The following INA variants were observed in gnomAD, a reference collection of about 807,000 sequenced individuals.
INA encodes the protein internexin neuronal intermediate filament protein alpha.
INA carries 35 observed loss-of-function variants against 40.1 expected under a neutral mutation model. The observed-to-expected ratio is 0.87, with a 90% confidence interval of 0.67 to 1.16. The LOEUF (loss-of-function observed/expected upper bound fraction) is 1.16. INA is among the 50% of genes most tolerant of loss of function. The probability of loss-of-function intolerance (pLI) is 0.00; values close to 1 mark genes in which losing one functional copy is unlikely to be tolerated. For missense variants in INA, 594 were observed against 686.7 expected (o/e 0.87, Z 1.51); for synonymous variants, 290 against 316.9 (o/e 0.92, Z 0.90).
intron 1 of INA, among the ~76,000 whole-genome samples, chr10:103,284,357 C>T (rs2133536002): frequency 6.6e-6 from 1 of 152,330 alleles, no homozygotes; most frequent in African/African-American, 2.4e-5. Context: ...AAATATCCCG[C>T]ATTTCACAAT....
chr10:103,283,163 A>G (rs1592043475), intron 1 of INA, among the ~76,000 whole-genome samples: 1 of 152,232 alleles, frequency 6.6e-6, no homozygotes, highest in Non-Finnish European at 1.5e-5. Context: ...TTAGTGGCAG[A>G]GCAAAAACTG....
At chr10:103,281,812 C>T (rs778949161) in intron 1 of INA, among the ~76,000 whole-genome samples, 1 of 152,222 alleles carries the variant, frequency 6.6e-6, no homozygotes, top group Non-Finnish European at 1.5e-5. Context: ...TTACTCCACC[C>T]GGCATCCTTC....
At position 103,288,531 on chromosome 10, in the gene INA, G is replaced by A; in HGVS notation, c.1362G>A (p.Glu454=). The A allele has an allele frequency of 1.9e-6, 3 of 1,613,636 alleles. No homozygotes were observed. Among genetic ancestry groups the A allele is most frequent in the South Asian group, 2.2e-5 (2 of 91,052 alleles). ...LSLKKEEEEE[E]ASKVASKKTS... is the part of the protein sequence containing the mutation. The stretch of plus-strand genomic sequence containing the variant: ...TTAAGAAAGAGGAGGAGGAGGAGGA[G>A]GCATCTAAGGTAGCCTCTAAGAAAA... The change falls in exon 3 of 3, where the codon GAG becomes GAA. Residue 454 remains glutamate (E), a synonymous_variant. Coordinates refer to ENST00000369849, the MANE Select transcript of INA (RefSeq NM_032727.4).
intron 1 of INA, among the ~76,000 whole-genome samples, chr10:103,281,845 G>A (rs1377266000): frequency 6.6e-6 from 1 of 152,204 alleles, no homozygotes; most frequent in African/African-American, 2.4e-5. Context: ...GCGATGCTCA[G>A]ACGAGCTAAG....
chr10:103,289,731 A>G lies in INA; in HGVS notation c.*1062A>G, dbSNP rs1162303280. The G allele has an allele frequency of 1.3e-5, 2 of 152,204 alleles. No individual in the cohort carries two copies. The highest frequency in any genetic ancestry group is 2.9e-5 in the Non-Finnish European group (2 of 68,032). 9.4% of individuals were successfully genotyped at this position (152,204 alleles called of 1,614,324 possible). A position where few individuals can be genotyped will look rare whatever the true frequency, so the allele number is the denominator to read the frequency against. ...CCCCTTCCCACTAGCCTAGGTCATA[A>G]AGAGGCGTTGCTTTCACTCTCCTAT... On this transcript the variant is annotated 3_prime_UTR_variant, in exon 3 of 3. Coordinates refer to ENST00000369849, the MANE Select transcript of INA (RefSeq NM_032727.4).
In INA at chr10:103,278,376, A is replaced by G. The variant is rs2093065420; in HGVS notation, c.1065+100A>G. On this transcript the variant is annotated intron_variant, in intron 1 of 2. Coordinates refer to ENST00000369849, the MANE Select transcript of INA (RefSeq NM_032727.4). The surrounding 1 kb of genome is among the most constrained non-coding windows in gnomAD (Gnocchi z 4.9). The stretch of plus-strand genomic sequence containing the variant: ...GGGCCCCAGGACTTAAGGGGAGGGC[A>G]AAAGAGAGGAGAGAAGAGCCGCGGC... The G allele has an allele frequency of 2.0e-6, 2 of 991,428 alleles. No homozygotes were observed. The highest frequency in any genetic ancestry group is 2.6e-5 in the East Asian group (1 of 37,784). 61.4% of individuals were successfully genotyped at this position (991,428 alleles called of 1,614,324 possible).
At chr10:103,286,543 A>G (rs573887372) in intron 1 of INA, among the ~76,000 whole-genome samples, 2 of 152,230 alleles carry the variant, frequency 1.3e-5, no homozygotes, top group East Asian at 3.9e-4. Context: ...GAATGGAGGC[A>G]GAGAGGTCTT....
At position 103,287,078 on chromosome 10, in the gene INA, G is replaced by A. The variant is rs762416355; in HGVS notation, c.1109G>A (p.Ser370Asn). ...GAGAATGATCTGAGGAACACCAAGA[G>A]TGAGATGGCACGCCACCTTCGGGAA... ...QLENDLRNTK[S>N]EMARHLREYQ... The change falls in exon 2 of 3, where the codon AGT (serine) becomes AAT (asparagine). Residue 370 changes from serine (S) to asparagine (N), a missense_variant. Physicochemically the swap from Ser to Asn is conservative, Grantham distance 46. Coordinates refer to ENST00000369849, the MANE Select transcript of INA (RefSeq NM_032727.4). 1 of 1,614,032 alleles carries A rather than the reference G, an allele frequency of 6.2e-7. No homozygotes were observed. Among genetic ancestry groups the A allele is most frequent in the South Asian group, 1.1e-5 (1 of 91,036 alleles).
chr10:103,285,618 CTTTT>C (rs1198555714), intron 1 of INA, among the ~76,000 whole-genome samples: 3 of 125,746 alleles, frequency 2.4e-5, no homozygotes, highest in Admixed American at 8.2e-5. Context: ...TGAACTGAAT[CTTTT>C]TTTTTTTTTT....
Position 103,287,235 on chromosome 10 carries a change from C to G in INA, c.1190+76C>G, listed in dbSNP as rs1261330070. On this transcript the variant is annotated intron_variant, in intron 2 of 2. Transcript: ENST00000369849. ...TGCTGCCCAAATAAGTGGATCTAGT[C>G]TCTCTGGCTTCTGACTGGTGAGGGA... The G allele has an allele frequency of 4.7e-6, 7 of 1,499,938 alleles. No homozygotes were observed. The African/African-American group carries it at 9.7e-5, about 21-fold the overall frequency. 92.9% of individuals were successfully genotyped at this position (1,499,938 alleles called of 1,614,324 possible).
chr10:103,285,911 C>G (rs1269766838), intron 1 of INA, among the ~76,000 whole-genome samples: 1 of 152,042 alleles, frequency 6.6e-6, no homozygotes, highest in Non-Finnish European at 1.5e-5. Flanking sequence ...AGCCACCACA[C>G]CCGGGTGAAC....
rs1009615819 is a variant in INA at position 103,290,143 on chromosome 10, C to G, written c.*1474C>G. 20 of 152,662 alleles carry G rather than the reference C, an allele frequency of 1.3e-4. No individual in the cohort carries two copies. The highest frequency in any genetic ancestry group is 4.8e-4 in the African/African-American group (20 of 41,460). 9.5% of individuals were successfully genotyped at this position (152,662 alleles called of 1,614,324 possible). On this transcript the variant is annotated 3_prime_UTR_variant, in exon 3 of 3. Coordinates refer to ENST00000369849, the MANE Select transcript of INA (RefSeq NM_032727.4). ...GGCCAGAGCTGAAGAGTTGCCCCGTCTCTGTTCCATGTCTCCTTTAAGAGC... is the reference window on the plus strand; with the variant it reads ...GGCCAGAGCTGAAGAGTTGCCCCGTGTCTGTTCCATGTCTCCTTTAAGAGC...
chr10:103,278,150 C>G lies in INA; in HGVS notation c.939C>G (p.His313Gln). ...EAIRASREEI[H>Q]EYRRQLQART... ...TCCGGGCCAGCCGCGAGGAGATCCA[C>G]GAGTATCGGCGCCAGCTGCAGGCGC... The change falls in exon 1 of 3, where the codon CAC becomes CAG. Residue 313 changes from histidine to glutamine, a missense_variant. Coordinates refer to ENST00000369849, the MANE Select transcript of INA (RefSeq NM_032727.4). This position sits in a 1 kb window ranked among gnomAD's most constrained non-coding sequence, Gnocchi z 4.9. The G allele has an allele frequency of 2.5e-6, 4 of 1,612,818 alleles. No individual in the cohort carries two copies. Among genetic ancestry groups the G allele is most frequent in the Non-Finnish European group, 3.4e-6 (4 of 1,179,814 alleles).
Position 103,288,465 on chromosome 10 carries a change from C to G in INA, c.1296C>G (p.Leu432=), listed in dbSNP as rs765348916. The G allele has an allele frequency of 6.2e-7, 1 of 1,614,054 alleles. No individual in the cohort carries two copies. The highest frequency in any genetic ancestry group is 8.5e-7 in the Non-Finnish European group (1 of 1,179,998). ...NPSYLLPPRI[L]SATTSKVSST... ...GTTACCTGCTCCCACCTAGAATCCT[C>G]AGTGCTACAACCTCCAAAGTCTCAT... The change falls in exon 3 of 3, where the codon CTC becomes CTG. Residue 432 remains leucine, a synonymous_variant. Transcript: ENST00000369849.
chr10:103,285,786 T>C (rs2093084513), intron 1 of INA, among the ~76,000 whole-genome samples: 1 of 151,696 alleles, frequency 6.6e-6, no homozygotes, highest in African/African-American at 2.4e-5. Flanking sequence ...CCCAGCTAAT[T>C]TTTGTATTTT....
chr10:103,278,158 G>A lies in INA; in HGVS notation c.947G>A (p.Arg316Gln). 1 of 1,612,492 alleles carries A rather than the reference G, an allele frequency of 6.2e-7. No homozygotes were observed. Among genetic ancestry groups the A allele is most frequent in the Non-Finnish European group, 8.5e-7 (1 of 1,179,686 alleles). Residue 316 changes from arginine (R) to glutamine (Q), a missense_variant, in exon 1 of 3, where the codon CGG becomes CAG. Physicochemically the swap from Arg to Gln is conservative, Grantham distance 43. Coordinates refer to ENST00000369849, the MANE Select transcript of INA (RefSeq NM_032727.4). The surrounding 1 kb of genome is among the most constrained non-coding windows in gnomAD (Gnocchi z 4.9). Reference sequence around the variant, plus strand: ...AGCCGCGAGGAGATCCACGAGTATCGGCGCCAGCTGCAGGCGCGCACCATC... The same window carrying A: ...AGCCGCGAGGAGATCCACGAGTATCAGCGCCAGCTGCAGGCGCGCACCATC... The part of the protein sequence containing the change: ...RASREEIHEY[R>Q]RQLQARTIEI...
At chr10:103,288,321 T>C in intron 2 of INA, 39 bp from the exon 3 acceptor site, 1 of 1,537,480 alleles carries the variant, frequency 6.5e-7, no homozygotes, top group South Asian at 1.3e-5. Flanking sequence ...GGGGAAAAGT[T>C]ATTGACTTCC....
chr10:103,278,032 C>T lies in INA; in HGVS notation c.821C>T (p.Ser274Phe), dbSNP rs758350495. ...AGGGAGATCCGCGCCCAGTATGAGT[C>T]CCTGGCCGCTAAGAACCTGCAGTCC... The part of the protein sequence containing the change: ...ALREIRAQYE[S>F]LAAKNLQSAE... Residue 274 changes from serine (S) to phenylalanine (F), a missense_variant, in exon 1 of 3, where the codon TCC (serine) becomes TTC (phenylalanine). Around this residue, in one of 2 missense-constraint regions of INA, gnomAD observed 379 missense variants for 496.1 expected, o/e 0.76. Transcript: ENST00000369849. This position sits in a 1 kb window ranked among gnomAD's most constrained non-coding sequence, Gnocchi z 4.9. 6.2e-7 allele frequency: 1 copy of T among 1,612,086 alleles called. No individual in the cohort carries two copies. The highest frequency in any genetic ancestry group is 8.5e-7 in the Non-Finnish European group (1 of 1,179,234).
In INA at chr10:103,278,869, A is replaced by AACACAC. The variant is rs376346720; in HGVS notation, c.1065+604_1065+609dup. 8.0e-6 allele frequency among the ~76,000 whole-genome samples: 1 copy of AACACAC among 125,320 alleles called. No individual in the cohort carries two copies. The highest frequency in any genetic ancestry group is 2.7e-4 in the South Asian group (1 of 3,654). 82.2% of individuals were successfully genotyped at this position (125,320 alleles called of 152,430 possible). A position where few individuals can be genotyped will look rare whatever the true frequency, so the allele number is the denominator to read the frequency against. On this transcript the variant is annotated intron_variant, in intron 1 of 2. Coordinates refer to ENST00000369849, the MANE Select transcript of INA (RefSeq NM_032727.4). This position sits in a 1 kb window ranked among gnomAD's most constrained non-coding sequence, Gnocchi z 4.9. ...ACCACCCTGCTCTACCCACCTCCCC[A>AACACAC]ACACACACACACACACGATTCCCTT... is the stretch of plus-strand genomic sequence containing the variant.
Sources: gnomAD v4.1 joint callset for allele counts (sites outside exome capture counted in the v4.1 genomes callset) on GRCh38, gnomAD v4.1.1 for gene constraint, gnomAD v4.1.1 regional missense constraint, Gnocchi (gnomAD v3.1) non-coding constraint, MANE v1.5 for transcripts, NCBI Gene and HGNC (gene_info 2026-07-23, HGNC 2026-07-21) for gene names.